The following RPSA2 variants were observed in gnomAD, a reference collection of about 807,000 sequenced individuals.
RPSA2 encodes the protein ribosomal protein SA 2.
At chr19:23,781,720 G>C in the RPSA2 span, among the ~76,000 whole-genome samples, 2 of 152,192 alleles carry the variant, frequency 1.3e-5, no homozygotes. Context: ...CCTGTACTTA[G>C]ACCCAACATA....
chr19:23,815,648 A>G, the RPSA2 span, among the ~76,000 whole-genome samples: 2 of 152,112 alleles, frequency 1.3e-5, no homozygotes, highest in Admixed American at 1.3e-4. Context: ...GTATTCCTCT[A>G]TATGCAAAAT....
At chr19:23,779,120 C>A in the RPSA2 span, among the ~76,000 whole-genome samples, 50 of 150,992 alleles carry the variant, frequency 3.3e-4, 1 homozygote, top group Admixed American at 4.0e-4. Flanking sequence ...CCTGCCTCAG[C>A]CTCCCAAGTA....
chr19:23,846,397 T>A, the RPSA2 span, among the ~76,000 whole-genome samples: 1 of 152,184 alleles, frequency 6.6e-6, no homozygotes, highest in Admixed American at 6.5e-5. Flanking sequence ...CTATTTATAT[T>A]TGTGGTTTAA....
the RPSA2 span, among the ~76,000 whole-genome samples, chr19:23,761,407 ACC>A: frequency 6.6e-6 from 1 of 152,088 alleles, no homozygotes; most frequent in Non-Finnish European, 1.5e-5. Flanking sequence ...AACTGTTACA[ACC>A]AAATTATGAG....
At chr19:23,848,516 C>T in the RPSA2 span, among the ~76,000 whole-genome samples, 2 of 151,766 alleles carry the variant, frequency 1.3e-5, no homozygotes, top group South Asian at 2.1e-4. Flanking sequence ...ACTCCAGGCA[C>T]AATGTATAAA....
At chr19:23,838,528 G>A in the RPSA2 span, among the ~76,000 whole-genome samples, 986 of 152,132 alleles carry the variant, frequency 6.5e-3, 7 homozygotes, top group African/African-American at 0.022. Flanking sequence ...GAATTTTGCT[G>A]TGAATCTGTT....
At chr19:23,846,232 G>A in the RPSA2 span, among the ~76,000 whole-genome samples, 1 of 151,958 alleles carries the variant, frequency 6.6e-6, no homozygotes, top group Non-Finnish European at 1.5e-5. Flanking sequence ...ATTCTTGTAG[G>A]CAACACACAG....
the RPSA2 span, among the ~76,000 whole-genome samples, chr19:23,845,074 G>C: frequency 6.8e-6 from 1 of 147,342 alleles, no homozygotes; most frequent in African/African-American, 2.5e-5. Context: ...ATCATTGCTA[G>C]TGATTTTTTG....
chr19:23,807,587 A>G, the RPSA2 span, among the ~76,000 whole-genome samples: 4 of 152,216 alleles, frequency 2.6e-5, no homozygotes, highest in Non-Finnish European at 5.9e-5. Flanking sequence ...TTTATACTTT[A>G]TCATCCAGAC....
At chr19:23,846,599 T>C in the RPSA2 span, among the ~76,000 whole-genome samples, 2 of 152,214 alleles carry the variant, frequency 1.3e-5, no homozygotes, top group African/African-American at 2.4e-5. Flanking sequence ...GATAAGACTT[T>C]ATTTCTTCTT....
At chr19:23,843,819 G>T in the RPSA2 span, among the ~76,000 whole-genome samples, 6 of 152,076 alleles carry the variant, frequency 3.9e-5, no homozygotes, top group African/African-American at 1.4e-4. Context: ...GAGTGCAATG[G>T]CATGGTCTCA....
At chr19:23,804,574 C>T in the RPSA2 span, among the ~76,000 whole-genome samples, 148,822 of 152,148 alleles carry the variant, frequency 0.98, 72,876 homozygotes, top group Middle Eastern at 1. Flanking sequence ...TGATTACAGG[C>T]GTGAGCCACC....
the RPSA2 span, among the ~76,000 whole-genome samples, chr19:23,813,387 A>G: frequency 2.0e-5 from 3 of 152,108 alleles, no homozygotes; most frequent in Non-Finnish European, 4.4e-5. Context: ...TCCCTTAACA[A>G]ACACCCTTCC....
chr19:23,865,638 A>G, the RPSA2 span, among the ~76,000 whole-genome samples: 2,384 of 152,286 alleles, frequency 0.016, 32 homozygotes, highest in Middle Eastern at 0.024. Context: ...TGCTAAGCAG[A>G]AAAAAAGAGA....
the RPSA2 span, among the ~76,000 whole-genome samples, chr19:23,860,353 C>T: frequency 2.6e-5 from 4 of 152,210 alleles, no homozygotes; most frequent in African/African-American, 9.6e-5. Flanking sequence ...TGTACTTAAA[C>T]TGCTTTTTTT....
the RPSA2 span, among the ~76,000 whole-genome samples, chr19:23,815,016 T>G: frequency 2.7e-3 from 410 of 152,278 alleles, no homozygotes; most frequent in African/African-American, 9.6e-3. Context: ...TGAATAATTC[T>G]TTGATTATTT....
At chr19:23,813,266 A>G in the RPSA2 span, among the ~76,000 whole-genome samples, 1 of 150,808 alleles carries the variant, frequency 6.6e-6, no homozygotes, top group African/African-American at 2.4e-5. Flanking sequence ...TATTTCAGGT[A>G]TGTTAACTAT....
the RPSA2 span, among the ~76,000 whole-genome samples, chr19:23,853,667 A>G: frequency 2.0e-5 from 3 of 152,094 alleles, no homozygotes; most frequent in Non-Finnish European, 4.4e-5. Context: ...GTTTTTCATT[A>G]TATGTTGGGT....
chr19:23,782,236 C>G, the RPSA2 span: 4 of 152,220 alleles, frequency 2.6e-5, no homozygotes, highest in African/African-American at 9.7e-5. Flanking sequence ...GGTATTGGGA[C>G]ATACTATTGG....
Sources: gnomAD v4.1 joint callset for allele counts (sites outside exome capture counted in the v4.1 genomes callset) on GRCh38, gnomAD v4.1.1 for gene constraint, MANE v1.5 for transcripts, NCBI Gene and HGNC (gene_info 2026-07-23, HGNC 2026-07-21) for gene names.